ANG: variants seen among roughly 807,000 people sequenced by gnomAD.
The protein encoded by ANG is angiogenin, also known as Homo sapiens epididymis luminal protein 168.
For missense variants in ANG, 178 were observed against 187.4 expected (o/e 0.95, Z 0.29); for synonymous variants, 74 against 73.8 (o/e 1.00, Z -0.02).
At chr14:20,689,328 G>A (rs1440841672) in intron 1 of ANG, among the ~76,000 whole-genome samples, 1 of 152,230 alleles carries the variant, frequency 6.6e-6, no homozygotes, top group East Asian at 1.9e-4. Context: ...AAGATCAAAA[G>A]AAGGCTCACT....
chr14:20,684,232 A>G (rs1886312741), upstream of ANG: 2 of 152,276 alleles, frequency 1.3e-5, no homozygotes, highest in African/African-American at 2.4e-5. Flanking sequence ...GCTGTCGACC[A>G]GTGTCAAGAC....
At chr14:20,690,184 C>T (rs1284767230) in intron 1 of ANG, among the ~76,000 whole-genome samples, 3 of 135,042 alleles carry the variant, frequency 2.2e-5, no homozygotes, top group Non-Finnish European at 4.6e-5. Context: ...CACTGCAGTC[C>T]GCAGTCCGGC....
chr14:20,687,407 A>G (rs936440665), upstream of ANG, among the ~76,000 whole-genome samples: 6 of 152,182 alleles, frequency 3.9e-5, no homozygotes, highest in Admixed American at 3.9e-4. Context: ...CTACTGCAGA[A>G]CTCTAAAATC....
chr14:20,690,856 C>A (rs1453655711), intron 1 of ANG, among the ~76,000 whole-genome samples: 2 of 152,150 alleles, frequency 1.3e-5, no homozygotes, highest in East Asian at 3.8e-4. Flanking sequence ...GAATATACAC[C>A]AGTAAGAAAC....
upstream of ANG, chr14:20,684,428 C>T (rs926006721): frequency 1.1e-4 from 16 of 152,130 alleles, no homozygotes; most frequent in Admixed American, 8.5e-4. Flanking sequence ...CCTGGGCTGC[C>T]CCTGCGGCCC....
At chr14:20,689,813 G>A (rs1289497422) in intron 1 of ANG, among the ~76,000 whole-genome samples, 4 of 151,958 alleles carry the variant, frequency 2.6e-5, no homozygotes, top group Non-Finnish European at 5.9e-5. Context: ...CTACTTGGGA[G>A]GCTGAGGCAG....
chr14:20,686,846 C>T (rs1300588356), upstream of ANG, among the ~76,000 whole-genome samples: 2 of 152,140 alleles, frequency 1.3e-5, no homozygotes, highest in African/African-American at 4.8e-5. Flanking sequence ...TCCATTCTTC[C>T]CATCATCTAA....
chr14:20,687,521 G>A (rs1420037904), upstream of ANG, among the ~76,000 whole-genome samples: 1 of 152,192 alleles, frequency 6.6e-6, no homozygotes, highest in Non-Finnish European at 1.5e-5. Flanking sequence ...GCAGGGTACC[G>A]CTTTTCGGGA....
At chr14:20,689,383 A>G (rs1816442706) in intron 1 of ANG, among the ~76,000 whole-genome samples, 1 of 152,220 alleles carries the variant, frequency 6.6e-6, no homozygotes, top group Admixed American at 6.5e-5. Flanking sequence ...AAAGGGATGA[A>G]TATGCCTTGG....
chr14:20,692,817 A>G (rs1349110057), intron 1 of ANG, among the ~76,000 whole-genome samples: 2 of 152,084 alleles, frequency 1.3e-5, no homozygotes, highest in African/African-American at 4.8e-5. Flanking sequence ...TGGATGCCTC[A>G]TTTCCTATTA....
At chr14:20,691,002 G>C (rs563220994) in intron 1 of ANG, among the ~76,000 whole-genome samples, 1 of 152,302 alleles carries the variant, frequency 6.6e-6, no homozygotes, top group Admixed American at 6.5e-5. Flanking sequence ...GAACTTTGTG[G>C]CTTTTACTTT....
chr14:20,687,454 T>C (rs1051817709), upstream of ANG, among the ~76,000 whole-genome samples: 2 of 152,162 alleles, frequency 1.3e-5, no homozygotes, highest in African/African-American at 4.8e-5. Flanking sequence ...GTGCTTGAAT[T>C]GGTGCTTCAG....
At position 20,693,856 on chromosome 14, in the gene ANG, T is replaced by G; in HGVS notation, c.292T>G (p.Ser98Ala). 6.2e-7 allele frequency: 1 copy of G among 1,614,124 alleles called. No homozygotes were observed. Among genetic ancestry groups the G allele is most frequent in the Non-Finnish European group, 8.5e-7 (1 of 1,179,988 alleles). Residue 98 changes from serine (S) to alanine (A), a missense_variant, in exon 2 of 2, where the codon TCT becomes GCT. Transcript: ENST00000397990. The part of the protein sequence containing the change: ...PHRENLRISK[S>A]SFQVTTCKLH... ...CAGAGAAAACCTAAGAATAAGCAAGTCTTCTTTCCAGGTCACCACTTGCAA... is the reference window on the plus strand; with the variant it reads ...CAGAGAAAACCTAAGAATAAGCAAGGCTTCTTTCCAGGTCACCACTTGCAA...
chr14:20,686,202 C>T (rs1886419189), upstream of ANG, among the ~76,000 whole-genome samples: 1 of 152,088 alleles, frequency 6.6e-6, no homozygotes, highest in Non-Finnish European at 1.5e-5. Context: ...CACTCTTGTT[C>T]TATGACTCCA....
At chr14:20,692,976 T>C (rs1886857228) in intron 1 of ANG, among the ~76,000 whole-genome samples, 2 of 151,712 alleles carry the variant, frequency 1.3e-5, no homozygotes, top group South Asian at 2.1e-4. Flanking sequence ...GCCTCCCGAG[T>C]AGCTGGGACT....
intron 1 of ANG, 157 bp from the exon 2 acceptor site, chr14:20,693,390 G>C (rs2139022957): frequency 4.3e-6 from 4 of 931,132 alleles, no homozygotes; most frequent in East Asian, 2.6e-5. Context: ...GATTGACGAA[G>C]TGTGAGGTTA....
In ANG at chr14:20,693,733, C is replaced by T. The variant is rs749308574; in HGVS notation, c.169C>T (p.Arg57Trp). 6.8e-6 allele frequency: 11 copies of T among 1,614,208 alleles called. No individual in the cohort carries two copies. The highest frequency in any genetic ancestry group is 5.0e-5 in the Admixed American group (3 of 60,032). Residue 57 changes from arginine (R) to tryptophan (W), a missense_variant, in exon 2 of 2, where the codon CGG becomes TGG. By Grantham distance (101) the Arg-to-Trp change is moderately radical. Transcript: ENST00000397990. Reference sequence around the variant, plus strand: ...ATACTGTGAAAGCATCATGAGGAGACGGGGCCTGACCTCACCCTGCAAAGA... The same window carrying T: ...ATACTGTGAAAGCATCATGAGGAGATGGGGCCTGACCTCACCCTGCAAAGA... ...DRYCESIMRR[R>W]GLTSPCKDIN... is the part of the protein sequence containing the mutation.
intron 1 of ANG, among the ~76,000 whole-genome samples, chr14:20,690,071 C>T (rs1324209438): frequency 2.0e-5 from 3 of 147,568 alleles, no homozygotes; most frequent in Non-Finnish European, 3.0e-5. Context: ...AAAAATTAGC[C>T]GGGCGCGGTG....
At chr14:20,691,862 T>C (rs1425283477) in intron 1 of ANG, among the ~76,000 whole-genome samples, 3 of 152,216 alleles carry the variant, frequency 2.0e-5, no homozygotes, top group African/African-American at 7.2e-5. Context: ...CATGTAACCA[T>C]AGAACATTGG....
Sources: gnomAD v4.1 joint callset for allele counts (sites outside exome capture counted in the v4.1 genomes callset) on GRCh38, gnomAD v4.1.1 for gene constraint, MANE v1.5 for transcripts, NCBI Gene and HGNC (gene_info 2026-07-23, HGNC 2026-07-21) for gene names.